Variants in SLC36A1 observed in about 807,000 individuals in gnomAD.
SLC36A1 encodes the protein proton-coupled amino acid transporter 1.
A neutral mutation model predicts 47.5 loss-of-function variants in SLC36A1; 30 were observed. The ratio of observed to expected loss-of-function variants is 0.63; its 90% CI spans 0.47 to 0.86. The LOEUF is 0.86. SLC36A1 is among the 40% of genes least tolerant of loss of function. The pLI is 0.00. For missense variants in SLC36A1, 517 were observed against 606.0 expected, an observed-to-expected ratio of 0.85 and a Z score of 1.54; for synonymous variants, 255 against 249.7, an observed-to-expected ratio of 1.02 and a Z score of -0.20.
chr5:151,542,969 C>A, the SLC36A1 span: 1 of 1,614,190 alleles, frequency 6.2e-7, no homozygotes. Context: ...ATGACTGGAT[C>A]TTGAGCTGCC....
At chr5:151,500,729 G>T in the SLC36A1 span, among the ~76,000 whole-genome samples, 12 of 152,208 alleles carry the variant, frequency 7.9e-5, 2 homozygotes, top group Admixed American at 7.2e-4. Context: ...ACAGCACCTG[G>T]CATAGCAAAT....
chr5:151,465,945 TAA>T (rs35854261), intron 5 of SLC36A1, among the ~76,000 whole-genome samples: 2 of 146,944 alleles, frequency 1.4e-5, no homozygotes, highest in African/African-American at 2.5e-5. Flanking sequence ...TAAAAATTCT[TAA>T]AAAAAAAAAA....
chr5:151,447,362 C>A (rs1240754930), upstream of SLC36A1, among the ~76,000 whole-genome samples: 1 of 152,174 alleles, frequency 6.6e-6, no homozygotes, highest in Non-Finnish European at 1.5e-5. Flanking sequence ...ATTTCACAAA[C>A]CCACAACTCA....
the SLC36A1 span, among the ~76,000 whole-genome samples, chr5:151,528,640 G>A: frequency 1.3e-5 from 2 of 152,184 alleles, no homozygotes; most frequent in Non-Finnish European, 2.9e-5. Flanking sequence ...ATATTCCTGT[G>A]TGGTTGGAGC....
the SLC36A1 span, chr5:151,507,743 GTAAC>G: frequency 2.6e-6 from 2 of 771,830 alleles, no homozygotes; most frequent in Non-Finnish European, 2.0e-6. Context: ...CCCCAAAAAA[GTAAC>G]TATCAAGCAT....
chr5:151,540,629 C>G, the SLC36A1 span: 4 of 1,614,072 alleles, frequency 2.5e-6, no homozygotes, highest in African/African-American at 5.3e-5. Context: ...GTGACCGAAG[C>G]CTGGAACTTG....
chr5:151,347,907 A>G, the SLC36A1 span, among the ~76,000 whole-genome samples: 1 of 152,214 alleles, frequency 6.6e-6, no homozygotes, highest in Non-Finnish European at 1.5e-5. Context: ...CCGAGGTCAG[A>G]TAGCTAGAAA....
At chr5:151,369,858 G>A in the SLC36A1 span, among the ~76,000 whole-genome samples, 2 of 151,792 alleles carry the variant, frequency 1.3e-5, no homozygotes, top group African/African-American at 2.4e-5. Flanking sequence ...GCAGTGGTGC[G>A]ATCTCAGCTC....
chr5:151,489,378 T>C lies in SLC36A1; in HGVS notation c.*1124T>C, dbSNP rs1265369645. 1 of 152,630 alleles carries C rather than the reference T, an allele frequency of 6.6e-6. No individual in the cohort carries two copies. Among genetic ancestry groups the C allele is most frequent in the Non-Finnish European group, 1.5e-5 (1 of 68,058 alleles). 9.5% of individuals were successfully genotyped at this position (152,630 alleles called of 1,614,324 possible). A position where few individuals can be genotyped will look rare whatever the true frequency, so the allele number is the denominator to read the frequency against. ...TCGTGCTGGGACGACACCAGCTCTA[T>C]TGCCACCGATGAGTAGCTGAGGTCA... On this transcript the variant is annotated 3_prime_UTR_variant, in exon 11 of 11. Coordinates refer to ENST00000243389, the MANE Select transcript of SLC36A1 (RefSeq NM_078483.4). The surrounding 1 kb of genome is among the most constrained non-coding windows in gnomAD (Gnocchi z 4.5).
chr5:151,517,620 C>T, the SLC36A1 span: 1 of 1,614,048 alleles, frequency 6.2e-7, no homozygotes, highest in Non-Finnish European at 8.5e-7. Flanking sequence ...AGTGCCTTAC[C>T]TTCAGGGAGA....
chr5:151,493,362 G>A (rs1189105816), downstream of SLC36A1, among the ~76,000 whole-genome samples: 1 of 152,148 alleles, frequency 6.6e-6, no homozygotes, highest in Non-Finnish European at 1.5e-5. Context: ...CACAGGACGA[G>A]GGCTCAGTCC....
chr5:151,416,698 C>T, the SLC36A1 span, among the ~76,000 whole-genome samples: 1 of 152,136 alleles, frequency 6.6e-6, no homozygotes, highest in Admixed American at 6.5e-5. Flanking sequence ...TGACTACAAA[C>T]TTTAGCTACC....
the SLC36A1 span, chr5:151,529,369 G>C: frequency 1.1e-5 from 17 of 1,613,902 alleles, no homozygotes; most frequent in Non-Finnish European, 1.4e-5. Flanking sequence ...TCAAAGTCCA[G>C]GCTTGCGTTG....
chr5:151,441,577 C>T (rs1336839576), intron 1 of SLC36A1, among the ~76,000 whole-genome samples: 2 of 152,084 alleles, frequency 1.3e-5, no homozygotes, highest in African/African-American at 2.4e-5. Context: ...TATTTCTATA[C>T]ATACGTATAT....
chr5:151,553,098 G>A, the SLC36A1 span: 1 of 1,426,550 alleles, frequency 7.0e-7, no homozygotes, highest in South Asian at 1.2e-5. Flanking sequence ...AGAGTCAGAA[G>A]GACTGTAGCA....
rs1760069322 is a variant in SLC36A1 at position 151,491,013 on chromosome 5, A to T, written c.*2759A>T. On this transcript the variant is annotated 3_prime_UTR_variant, in exon 11 of 11. Coordinates refer to ENST00000243389, the MANE Select transcript of SLC36A1 (RefSeq NM_078483.4). Reference sequence around the variant, plus strand: ...GCTGCATCTGCTGGAGCAAAGGGAAACCGTGGGCTTTTCCGGCCAGATACT... The same window carrying T: ...GCTGCATCTGCTGGAGCAAAGGGAATCCGTGGGCTTTTCCGGCCAGATACT... 1 of 152,228 alleles carries T rather than the reference A, an allele frequency of 6.6e-6. No homozygotes were observed. The highest frequency in any genetic ancestry group is 2.1e-4 in the South Asian group (1 of 4,820). The allele number at this position is 152,228 out of a possible 1,614,324, so 9.4% of individuals were successfully genotyped here.
downstream of SLC36A1, among the ~76,000 whole-genome samples, chr5:151,494,234 A>G (rs1051257528): frequency 1.3e-5 from 2 of 152,112 alleles, no homozygotes; most frequent in African/African-American, 4.8e-5. Context: ...GTGCTGAGGA[A>G]CTATGTGTGT....
At chr5:151,381,623 C>A in the SLC36A1 span, among the ~76,000 whole-genome samples, 1,662 of 152,260 alleles carry the variant, frequency 0.011, 36 homozygotes, top group African/African-American at 0.038. Context: ...TCAGTTCTTG[C>A]GATATTTTGT....
chr5:151,546,281 G>C, the SLC36A1 span: 15 of 1,613,988 alleles, frequency 9.3e-6, no homozygotes, highest in African/African-American at 2.0e-4. Flanking sequence ...TCAAGCTTTT[G>C]AGCTAGAGTA....
Sources: allele counts gnomAD v4.1 joint callset (sites outside exome capture counted in the v4.1 genomes callset), GRCh38; gene constraint gnomAD v4.1.1; non-coding constraint Gnocchi (gnomAD v3.1); transcripts MANE v1.5; gene names NCBI Gene and HGNC (gene_info 2026-07-23, HGNC 2026-07-21).